The following PCDHA7 variants were observed in gnomAD, a reference collection of about 807,000 sequenced individuals.
PCDHA7 encodes the protein protocadherin alpha 7, also known as protocadherin alpha-7.
A neutral mutation model predicts 57.2 loss-of-function variants in PCDHA7; 37 were observed. The ratio of observed to expected loss-of-function variants is 0.65; its 90% CI spans 0.50 to 0.85. The LOEUF (loss-of-function observed/expected upper bound fraction) is 0.85. Among genes scored for constraint, PCDHA7 ranks in the 40% least tolerant of loss-of-function variants. PCDHA7 has a pLI of 0.00. For missense variants in PCDHA7, 1,188 were observed against 1,241.8 expected, an observed-to-expected ratio of 0.96 and a Z score of 0.65; for synonymous variants, 553 against 558.8, an observed-to-expected ratio of 0.99 and a Z score of 0.15.
chr5:140,926,754 C>A, intron 1 of PCDHA7: 1 of 1,283,492 alleles, frequency 7.8e-7, no homozygotes. Context: ...TCGGCGGTCG[C>A]TGAGTATCCA....
chr5:140,875,318 C>G, intron 1 of PCDHA7: 1 of 1,427,508 alleles, frequency 7.0e-7, no homozygotes, highest in South Asian at 1.6e-5. Flanking sequence ...ACATTCCAAT[C>G]ATTCACGGAA....
intron 1 of PCDHA7, among the ~76,000 whole-genome samples, chr5:140,954,516 G>C (rs782233597): frequency 3.3e-5 from 5 of 152,172 alleles, no homozygotes; most frequent in Admixed American, 6.5e-5. Flanking sequence ...TTTACCTAAT[G>C]ATCAGTGATG....
chr5:140,884,634 GGGA>G (rs1562808845), intron 1 of PCDHA7: 3 of 1,612,414 alleles, frequency 1.9e-6, no homozygotes, highest in Non-Finnish European at 2.5e-6. Context: ...ACAGGCCAGA[GGGA>G]GGAGGACTCA....
rs781975666 is a variant in PCDHA7, at chr5:140,856,109, G to A, written c.2355+19371G>A. 6.9e-6 allele frequency: 11 copies of A among 1,597,740 alleles called. 1 individual carries two copies. The highest frequency in any genetic ancestry group is 4.0e-5 in the African/African-American group (3 of 74,230). On this transcript the variant is annotated intron_variant, in intron 1 of 3. Transcript: ENST00000525929. The stretch of plus-strand genomic sequence containing the variant: ...TCTGCTGCTCTCGCTTCTTCTCCTC[G>A]CAGCCTGGGAGGTGGGGAGCGGCCA...
chr5:140,998,446 T>C (rs1266567801), intron 3 of PCDHA7, among the ~76,000 whole-genome samples: 1 of 152,248 alleles, frequency 6.6e-6, no homozygotes, highest in African/African-American at 2.4e-5. Flanking sequence ...TTATTGTATT[T>C]ATTCATTTAC....
rs200338376 is a variant in PCDHA7, at chr5:140,927,680, G to C, written c.2356-51269G>C. On this transcript the variant is annotated intron_variant, in intron 1 of 3. Transcript: ENST00000525929. ...GTTCAAGCCTTGGATCCAGATGAAGGGTCCAATGGGGAAGTCCAGTACTCC... is the reference window on the plus strand; with the variant it reads ...GTTCAAGCCTTGGATCCAGATGAAGCGTCCAATGGGGAAGTCCAGTACTCC... The C allele has an allele frequency of 2.2e-5, 36 of 1,614,022 alleles. No individual in the cohort carries two copies. The Admixed American group carries it at 4.5e-4, about 20-fold the overall frequency.
intron 1 of PCDHA7, among the ~76,000 whole-genome samples, chr5:140,952,114 A>G (rs246038): frequency 0.56 from 85,531 of 151,814 alleles, 24,721 homozygotes; most frequent in African/African-American, 0.69. Flanking sequence ...CGTGTGAGGG[A>G]TGGGCTCCCA....
chr5:140,874,111 G>T (rs977519429), intron 1 of PCDHA7, among the ~76,000 whole-genome samples: 2 of 152,056 alleles, frequency 1.3e-5, no homozygotes, highest in Non-Finnish European at 2.9e-5. Flanking sequence ...ATTACTTAAC[G>T]TTTTATAGTT....
At chr5:140,873,085 C>G (rs1554166557) in intron 1 of PCDHA7, among the ~76,000 whole-genome samples, 2 of 152,098 alleles carry the variant, frequency 1.3e-5, no homozygotes, top group Non-Finnish European at 2.9e-5. Flanking sequence ...TATTTCCCCC[C>G]CGTATAGAGG....
intron 1 of PCDHA7, among the ~76,000 whole-genome samples, chr5:140,946,530 C>T (rs2093957873): frequency 6.6e-6 from 1 of 150,514 alleles, no homozygotes; most frequent in African/African-American, 2.5e-5. Context: ...CTCCCATGTT[C>T]ATTGCAGCAT....
In PCDHA7 at chr5:140,836,643, A is replaced by G; in HGVS notation, c.2260A>G (p.Arg754Gly). Reference sequence around the variant, plus strand: ...GGGGAGCTGGTCATTCTCCCAGCAGAGGCGGCAGAGGGTGTGCTCTGGGGA... The same window carrying G: ...GGGGAGCTGGTCATTCTCCCAGCAGGGGCGGCAGAGGGTGTGCTCTGGGGA... ...AVGSWSFSQQRRQRVCSGEGP... is the reference protein window; with the variant it reads ...AVGSWSFSQQGRQRVCSGEGP... Residue 754 changes from arginine to glycine, a missense_variant, in exon 1 of 4, where the codon AGG (arginine) becomes GGG (glycine). Physicochemically the swap from Arg to Gly is moderately radical, Grantham distance 125. Around this residue, in one of 3 missense-constraint regions of PCDHA7, gnomAD observed 892 missense variants for 788.5 expected, o/e 1.13. Coordinates refer to ENST00000525929, the MANE Select transcript of PCDHA7 (RefSeq NM_018910.3). 6.2e-7 allele frequency: 1 copy of G among 1,613,476 alleles called. No individual in the cohort carries two copies. Among genetic ancestry groups the G allele is most frequent in the Non-Finnish European group, 8.5e-7 (1 of 1,179,666 alleles).
chr5:140,940,841 C>T (rs246072), intron 1 of PCDHA7, among the ~76,000 whole-genome samples: 86,358 of 151,986 alleles, frequency 0.57, 25,200 homozygotes, highest in African/African-American at 0.71. Context: ...CCTTTCTTCA[C>T]GATAGATTTT....
chr5:140,869,332 G>T (rs1554162910), intron 1 of PCDHA7: 1 of 1,613,960 alleles, frequency 6.2e-7, no homozygotes, highest in South Asian at 1.1e-5. Context: ...CCTTCTGGAG[G>T]TAAATCTGCA....
chr5:140,876,791 G>A (rs782617794), intron 1 of PCDHA7: 1 of 1,614,242 alleles, frequency 6.2e-7, no homozygotes, highest in Non-Finnish European at 8.5e-7. Context: ...GCCACGGCTA[G>A]AGTGTCCGTG....
rs2150473492 is a variant in PCDHA7 at position 140,850,211 on chromosome 5, C to T, written c.2355+13473C>T. 11 of 1,593,428 alleles carry T rather than the reference C, an allele frequency of 6.9e-6. 1 individual carries two copies. Among genetic ancestry groups the T allele is most frequent in the Non-Finnish European group, 9.4e-6 (11 of 1,167,634 alleles). ...CGCTGCTGACACCTCGGATGAGGGG[C>T]ACTGACGGCGCAGTGAGCGAGATGG... On this transcript the variant is annotated intron_variant, in intron 1 of 3. Coordinates refer to ENST00000525929, the MANE Select transcript of PCDHA7 (RefSeq NM_018910.3).
intron 1 of PCDHA7, chr5:140,883,596 TG>T (rs1562791192): frequency 7.4e-6 from 12 of 1,613,794 alleles, no homozygotes; most frequent in Non-Finnish European, 1.0e-5. Context: ...AGCGTGTCGG[TG>T]GGGGTGGCCG....
At chr5:140,911,449 C>G (rs1554194734) in intron 1 of PCDHA7, among the ~76,000 whole-genome samples, 1 of 152,116 alleles carries the variant, frequency 6.6e-6, no homozygotes, top group Non-Finnish European at 1.5e-5. Context: ...AATTTCAGCT[C>G]TTTCTCTACA....
At chr5:140,849,558 C>T in intron 1 of PCDHA7, 1 of 1,598,598 alleles carries the variant, frequency 6.3e-7, no homozygotes, top group Non-Finnish European at 8.6e-7. Context: ...TATCAAAACG[C>T]TCTCGGTTCC....
chr5:140,874,685 T>C (rs1212570606), intron 1 of PCDHA7, among the ~76,000 whole-genome samples: 1 of 152,234 alleles, frequency 6.6e-6, no homozygotes, highest in Non-Finnish European at 1.5e-5. Flanking sequence ...AGATTTGTTT[T>C]AACATGTTAT....
Sources: allele counts gnomAD v4.1 joint callset (sites outside exome capture counted in the v4.1 genomes callset), GRCh38; gene constraint gnomAD v4.1.1; regional missense constraint gnomAD v4.1.1; transcripts MANE v1.5; gene names NCBI Gene and HGNC (gene_info 2026-07-23, HGNC 2026-07-21).